The following MAGI3 variants were observed in gnomAD, a reference collection of about 807,000 sequenced individuals.
MAGI3 encodes membrane associated guanylate kinase, WW and PDZ domain containing 3.
A neutral mutation model predicts 121.8 loss-of-function variants in MAGI3; 43 were observed. The ratio of observed to expected loss-of-function variants is 0.35; its 90% CI spans 0.28 to 0.46. The LOEUF (loss-of-function observed/expected upper bound fraction) is 0.46. Ranked by LOEUF, MAGI3 falls within the 20% of genes least tolerant of loss-of-function variation. The probability of loss-of-function intolerance (pLI) is 1.00; values close to 1 mark genes in which losing one functional copy is unlikely to be tolerated. For missense variants in MAGI3, 1,547 were observed against 1,797.3 expected (o/e 0.86, Z 2.52); for synonymous variants, 553 against 639.3 (o/e 0.86, Z 2.04).
chr1:113,508,381 G>A (rs1362433434), intron 1 of MAGI3, among the ~76,000 whole-genome samples: 1 of 152,120 alleles, frequency 6.6e-6, no homozygotes, highest in East Asian at 1.9e-4. Context: ...TGGTCAAAAG[G>A]CTGCAATTCA....
chr1:113,483,029 G>A (rs756592395), intron 1 of MAGI3, among the ~76,000 whole-genome samples: 15 of 151,844 alleles, frequency 9.9e-5, no homozygotes, highest in Non-Finnish European at 1.6e-4. Context: ...TTCTGTTTTC[G>A]AACTTCTGAG....
At chr1:113,472,930 A>G (rs1655612643) in intron 1 of MAGI3, among the ~76,000 whole-genome samples, 1 of 152,214 alleles carries the variant, frequency 6.6e-6, no homozygotes, top group African/African-American at 2.4e-5. Flanking sequence ...TTAACAAATT[A>G]TTATAGCTAA....
intron 6 of MAGI3, among the ~76,000 whole-genome samples, chr1:113,600,375 C>A (rs1463773263): frequency 6.6e-6 from 1 of 151,876 alleles, no homozygotes; most frequent in Non-Finnish European, 1.5e-5. Context: ...TCAGCAAAGT[C>A]TCAGGATACA....
At chr1:113,584,997 A>G (rs1383649465) in intron 3 of MAGI3, among the ~76,000 whole-genome samples, 1 of 99,214 alleles carries the variant, frequency 1.0e-5, no homozygotes, top group Non-Finnish European at 1.9e-5. Context: ...TTTGAGGCAG[A>G]GTCTCTGTCA....
intron 1 of MAGI3, among the ~76,000 whole-genome samples, chr1:113,493,815 G>A (rs2101586178): frequency 6.6e-6 from 1 of 152,266 alleles, no homozygotes; most frequent in South Asian, 2.1e-4. Context: ...AAACCACAGT[G>A]AGATACTGTC....
Position 113,554,183 on chromosome 1 carries a change from G to A in MAGI3, c.433+4552G>A, listed in dbSNP as rs59683149. On this transcript the variant is annotated intron_variant, in intron 2 of 20. Transcript: ENST00000307546. The stretch of plus-strand genomic sequence containing the variant: ...AAAAGAAACAGAAATGACACATGAT[G>A]GCATTACTATACCAGGAGTTTTAGT... Among the ~76,000 whole-genome samples, 672 of 152,148 alleles carry A rather than the reference G, an allele frequency of 4.4e-3. 7 individuals carry two copies. The highest frequency in any genetic ancestry group is 0.015 in the African/African-American group (631 of 41,512).
At chr1:113,570,404 C>G (rs1306404470) in intron 2 of MAGI3, among the ~76,000 whole-genome samples, 1 of 152,100 alleles carries the variant, frequency 6.6e-6, no homozygotes, top group East Asian at 1.9e-4. Context: ...TGAGTATATA[C>G]CCAGTAATGG....
chr1:113,639,577 CT>C (rs1480617691), intron 9 of MAGI3, among the ~76,000 whole-genome samples: 2 of 150,736 alleles, frequency 1.3e-5, no homozygotes, highest in African/African-American at 4.9e-5. Flanking sequence ...AATTTTTTTT[CT>C]TTTTTTGAGA....
intron 1 of MAGI3, among the ~76,000 whole-genome samples, chr1:113,526,427 T>C (rs1343777927): frequency 1.3e-5 from 2 of 152,170 alleles, no homozygotes; most frequent in Admixed American, 1.3e-4. Context: ...GGGAAGAGTG[T>C]TCCAGAGAAA....
intron 1 of MAGI3, among the ~76,000 whole-genome samples, chr1:113,428,802 G>T (rs959199458): frequency 4.0e-4 from 61 of 152,244 alleles, no homozygotes; most frequent in Admixed American, 2.6e-3. Flanking sequence ...CTGTATTTAG[G>T]TTTCATACAA....
At chr1:113,442,820 G>A (rs1367215906) in intron 1 of MAGI3, among the ~76,000 whole-genome samples, 2 of 151,948 alleles carry the variant, frequency 1.3e-5, no homozygotes, top group South Asian at 2.1e-4. Context: ...TATTATGTTA[G>A]CCTCACAGCT....
chr1:113,582,038 G>T (rs1350009227), intron 3 of MAGI3, among the ~76,000 whole-genome samples: 1 of 151,494 alleles, frequency 6.6e-6, no homozygotes, highest in Non-Finnish European at 1.5e-5. Context: ...TGGACGAAGT[G>T]GCATATTACT....
At chr1:113,441,033 G>A (rs190479757) in intron 1 of MAGI3, among the ~76,000 whole-genome samples, 198 of 152,154 alleles carry the variant, frequency 1.3e-3, no homozygotes, top group Non-Finnish European at 1.6e-3. Context: ...GTGGACAACC[G>A]CCACTACCAG....
intron 1 of MAGI3, among the ~76,000 whole-genome samples, chr1:113,489,973 A>G (rs1378085657): frequency 6.6e-6 from 1 of 152,206 alleles, no homozygotes; most frequent in Non-Finnish European, 1.5e-5. Flanking sequence ...ATTTCAGGAT[A>G]TCATCCATGA....
At chr1:113,609,674 A>G (rs897051424) in intron 6 of MAGI3, among the ~76,000 whole-genome samples, 7 of 152,248 alleles carry the variant, frequency 4.6e-5, no homozygotes, top group African/African-American at 1.7e-4. Context: ...ATAGAGCTCC[A>G]CCATGAGAAA....
In MAGI3 at chr1:113,658,998, A is replaced by T; in HGVS notation, c.2630-82A>T. The T allele has an allele frequency of 8.6e-7, 1 of 1,160,480 alleles. No individual in the cohort carries two copies. The highest frequency in any genetic ancestry group is 1.5e-5 in the South Asian group (1 of 66,574). The allele number at this position is 1,160,480 out of a possible 1,614,324, so 71.9% of individuals were successfully genotyped here. On this transcript the variant is annotated intron_variant, in intron 15 of 20. Coordinates refer to ENST00000307546, the MANE Select transcript of MAGI3 (RefSeq NM_001142782.2). This position sits in a 1 kb window ranked among gnomAD's most constrained non-coding sequence, Gnocchi z 4.0. ...AATAATTTTCTTTGATGTTATGTTG[A>T]ATTTTAAATGACGTTGATTATAAAT...
chr1:113,435,479 A>G (rs1042616462), intron 1 of MAGI3, among the ~76,000 whole-genome samples: 3 of 152,184 alleles, frequency 2.0e-5, no homozygotes, highest in Admixed American at 6.5e-5. Context: ...AGTGTTTTGA[A>G]AAATGAAATT....
intron 1 of MAGI3, among the ~76,000 whole-genome samples, chr1:113,394,617 C>T (rs932479418): frequency 7.9e-5 from 12 of 152,140 alleles, no homozygotes; most frequent in Non-Finnish European, 1.5e-4. Context: ...ATTCCCCAGA[C>T]TCTAATTGTG....
At chr1:113,642,588 A>G (rs562606426) in intron 10 of MAGI3, 72 bp downstream of exon 10, 3 of 1,490,488 alleles carry the variant, frequency 2.0e-6, no homozygotes, top group South Asian at 1.3e-5. Context: ...CTTTCCTTAC[A>G]GTTTAGAATG....
Sources: gnomAD v4.1 joint callset for allele counts (sites outside exome capture counted in the v4.1 genomes callset) on GRCh38, gnomAD v4.1.1 for gene constraint, Gnocchi (gnomAD v3.1) non-coding constraint, MANE v1.5 for transcripts, NCBI Gene and HGNC (gene_info 2026-07-23, HGNC 2026-07-21) for gene names.